NALF1: variants seen among roughly 807,000 people sequenced by gnomAD.
NALF1 encodes family with sequence similarity 155 member A.
In NALF1, 3 loss-of-function variants were observed where a neutral mutation model predicts 48.4. The observed-to-expected ratio is 0.06, with a 90% CI of 0.03 to 0.16. NALF1 has a LOEUF of 0.16. Among genes scored for constraint, NALF1 ranks in the 10% least tolerant of loss-of-function variants. NALF1 has a pLI of 1.00. For synonymous variants in NALF1, 262 were observed against 245.7 expected (o/e 1.07, Z -0.62); for missense variants, 526 against 571.5 (o/e 0.92, Z 0.81).
chr13:107,533,786 C>T (rs1163867482), intron 1 of NALF1, among the ~76,000 whole-genome samples: 3 of 152,140 alleles, frequency 2.0e-5, no homozygotes, highest in Non-Finnish European at 4.4e-5. Flanking sequence ...CCTAACATGA[C>T]ACCATCCAGG....
intron 1 of NALF1, among the ~76,000 whole-genome samples, chr13:107,410,353 G>T (rs1883968818): frequency 1.3e-5 from 2 of 151,850 alleles, no homozygotes; most frequent in Non-Finnish European, 2.9e-5. Flanking sequence ...TTCCCTGTTG[G>T]TGTGTCCCAT....
intron 1 of NALF1, among the ~76,000 whole-genome samples, chr13:107,765,527 A>G (rs1877396419): frequency 6.6e-6 from 1 of 152,224 alleles, no homozygotes; most frequent in African/African-American, 2.4e-5. Flanking sequence ...GCCTACTTAC[A>G]TAGTATTTGC....
chr13:107,422,797 TATAA>T (rs1246226740), intron 1 of NALF1, among the ~76,000 whole-genome samples: 7 of 152,042 alleles, frequency 4.6e-5, no homozygotes, highest in Admixed American at 1.3e-4. Context: ...CAATGTTCCT[TATAA>T]GGGAAAAGGA....
chr13:107,216,266 G>A (rs781084646), intron 1 of NALF1, among the ~76,000 whole-genome samples: 6 of 152,210 alleles, frequency 3.9e-5, no homozygotes, highest in African/African-American at 9.6e-5. Context: ...GACGCATAAC[G>A]CATGTTGCTA....
chr13:107,495,589 C>G (rs750591928), intron 1 of NALF1, among the ~76,000 whole-genome samples: 13 of 152,152 alleles, frequency 8.5e-5, no homozygotes, highest in Non-Finnish European at 1.6e-4. Context: ...ACTACTAACA[C>G]AGGGTGTGAT....
At chr13:107,864,242 T>C (rs956088784) in intron 1 of NALF1, among the ~76,000 whole-genome samples, 1 of 152,190 alleles carries the variant, frequency 6.6e-6, no homozygotes, top group Non-Finnish European at 1.5e-5. Context: ...TCACTCTAAA[T>C]TAATGTTGTA....
intron 1 of NALF1, among the ~76,000 whole-genome samples, chr13:107,580,820 C>G (rs558593803): frequency 6.6e-6 from 1 of 152,226 alleles, no homozygotes; most frequent in East Asian, 1.9e-4. Context: ...GTGGAAAAGA[C>G]AGCCAGGTTT....
At position 107,734,409 on chromosome 13, in the gene NALF1, A is replaced by AAAAC. The variant is rs1555321957; in HGVS notation, c.915+131272_915+131273insGTTT. Among the ~76,000 whole-genome samples the AAAAC allele has an allele frequency of 9.4e-4, 141 of 149,324 alleles. 1 individual carries two copies. Among genetic ancestry groups the AAAAC allele is most frequent in the Middle Eastern group, 6.8e-3 (2 of 292 alleles). On this transcript the variant is annotated intron_variant, in intron 1 of 2. Coordinates refer to ENST00000375915, the MANE Select transcript of NALF1 (RefSeq NM_001080396.3). Reference sequence around the variant, plus strand: ...TATGGGTATTTTTCCTTTAAAAAAAAACACACACACACACACACACACAAT... The same window carrying AAAAC: ...TATGGGTATTTTTCCTTTAAAAAAAAAAACACACACACACACACACACACACAAT...
chr13:107,769,690 T>TA (rs71121554), intron 1 of NALF1, among the ~76,000 whole-genome samples: 22,763 of 146,920 alleles, frequency 0.15, 1,891 homozygotes, highest in Admixed American at 0.24. Flanking sequence ...TAAAGTATAA[T>TA]AAAAAAAAAA....
intron 1 of NALF1, among the ~76,000 whole-genome samples, chr13:107,270,092 C>A (rs1055515278): frequency 1.6e-4 from 24 of 152,086 alleles, no homozygotes; most frequent in African/African-American, 4.8e-4. Flanking sequence ...CTTATAACAT[C>A]ACTTTCAATT....
At chr13:107,698,243 G>A (rs1022904665) in intron 1 of NALF1, among the ~76,000 whole-genome samples, 1 of 152,018 alleles carries the variant, frequency 6.6e-6, no homozygotes, top group Non-Finnish European at 1.5e-5. Context: ...AATATCTTTG[G>A]GCATATGTAG....
intron 1 of NALF1, among the ~76,000 whole-genome samples, chr13:107,809,906 T>G (rs144796196): frequency 2.1e-4 from 32 of 152,210 alleles, no homozygotes; most frequent in African/African-American, 6.5e-4. Context: ...CTACCCCTTT[T>G]AAGGCAAATC....
intron 1 of NALF1, among the ~76,000 whole-genome samples, chr13:107,462,800 T>C (rs1884941569): frequency 6.6e-6 from 1 of 152,198 alleles, no homozygotes; most frequent in Non-Finnish European, 1.5e-5. Context: ...GTCTATAGAA[T>C]TTCACTGGGA....
intron 1 of NALF1, among the ~76,000 whole-genome samples, chr13:107,472,966 C>CT (rs1354990883): frequency 6.6e-6 from 1 of 152,140 alleles, no homozygotes; most frequent in Non-Finnish European, 1.5e-5. Flanking sequence ...TGCTTTTTTC[C>CT]TTTTCAACCT....
intron 1 of NALF1, among the ~76,000 whole-genome samples, chr13:107,232,699 C>T (rs990413667): frequency 2.6e-5 from 4 of 152,058 alleles, no homozygotes; most frequent in African/African-American, 4.8e-5. Context: ...GGGCTGGATG[C>T]GGAAGACTCA....
chr13:107,448,413 T>A (rs560378364), intron 1 of NALF1, among the ~76,000 whole-genome samples: 104 of 152,192 alleles, frequency 6.8e-4, no homozygotes, highest in Non-Finnish European at 1.2e-3. Context: ...GTATGAGAGA[T>A]GATTTTTGAC....
At chr13:107,565,958 G>C (rs1877797745) in intron 1 of NALF1, among the ~76,000 whole-genome samples, 1 of 152,116 alleles carries the variant, frequency 6.6e-6, no homozygotes, top group Admixed American at 6.6e-5. Context: ...AGTCCCCAAA[G>C]CAGTGTAACA....
chr13:107,281,136 T>C (rs144792961), intron 1 of NALF1, among the ~76,000 whole-genome samples: 15 of 152,286 alleles, frequency 9.8e-5, no homozygotes, highest in Admixed American at 7.9e-4. Context: ...GCTCGACACA[T>C]GCAAGGTACT....
chr13:107,478,609 T>C (rs142314601), intron 1 of NALF1, among the ~76,000 whole-genome samples: 11 of 152,176 alleles, frequency 7.2e-5, no homozygotes, highest in East Asian at 1.9e-4. Flanking sequence ...AAAGTGGACA[T>C]AGAACTTACT....
Sources: gnomAD v4.1 joint callset for allele counts (sites outside exome capture counted in the v4.1 genomes callset) on GRCh38, gnomAD v4.1.1 for gene constraint, MANE v1.5 for transcripts, NCBI Gene and HGNC (gene_info 2026-07-23, HGNC 2026-07-21) for gene names.